The following TMEM260 variants were observed in gnomAD, a reference collection of about 807,000 sequenced individuals.
The protein encoded by TMEM260 is transmembrane protein 260, also known as protein O-mannosyl-transferase TMEM260.
Under a neutral mutation model 88.9 loss-of-function variants are expected in TMEM260, and 82 were observed. The ratio of observed to expected loss-of-function variants is 0.92; its 90% CI spans 0.77 to 1.11. TMEM260 has a LOEUF of 1.11. Ranked by LOEUF, TMEM260 falls within the 50% of genes least tolerant of loss-of-function variation. The probability of loss-of-function intolerance (pLI) is 0.00; values close to 1 mark genes in which losing one functional copy is unlikely to be tolerated. For synonymous variants in TMEM260, 314 were observed against 309.3 expected (o/e 1.02, Z -0.16); for missense variants, 902 against 853.4 (o/e 1.06, Z -0.71).
intron 6 of TMEM260, among the ~76,000 whole-genome samples, 192 bp from the exon 7 acceptor site, chr14:56,612,053 G>A (rs1237887123): frequency 6.6e-6 from 1 of 152,152 alleles, no homozygotes; most frequent in East Asian, 1.9e-4. Flanking sequence ...CCTGGGTGAT[G>A]AAATAGTCTG....
chr14:56,612,232 CTT>C lies in TMEM260; in HGVS notation c.817-10_817-9del. 6.2e-7 allele frequency: 1 copy of C among 1,612,032 alleles called. No individual in the cohort carries two copies. Among genetic ancestry groups the C allele is most frequent in the Non-Finnish European group, 8.5e-7 (1 of 1,178,216 alleles). On this transcript the variant is annotated splice_polypyrimidine_tract_variant and intron_variant, in intron 6 of 15. Transcript: ENST00000261556. ...AATGCTTGTGCAGATAAACTTTTGT[CTT>C]TTGTGTTTAGGCCAAATCTGAAATA...
At chr14:56,627,523 T>TACA (rs1332454635) in intron 12 of TMEM260, among the ~76,000 whole-genome samples, 1 of 152,186 alleles carries the variant, frequency 6.6e-6, no homozygotes, top group Non-Finnish European at 1.5e-5. Context: ...AAATTATACC[T>TACA]ACAACAACTG....
chr14:56,637,899 C>T (rs1487222118), intron 15 of TMEM260, among the ~76,000 whole-genome samples: 1 of 151,198 alleles, frequency 6.6e-6, no homozygotes, highest in African/African-American at 2.4e-5. Context: ...GATGGAAGAT[C>T]AAGTCCTCAG....
chr14:56,586,046 A>G (rs1885480400), intron 3 of TMEM260, 134 bp downstream of exon 3: 1 of 967,876 alleles, frequency 1.0e-6, no homozygotes, highest in Non-Finnish European at 1.5e-6. Context: ...TTCTTAATTT[A>G]TAATACTTTC....
chr14:56,585,600 T>C, intron 2 of TMEM260, 161 bp from the exon 3 acceptor site: 1 of 637,402 alleles, frequency 1.6e-6, no homozygotes, highest in South Asian at 2.3e-5. Context: ...TTATTTGTAT[T>C]GCCTCAAGAG....
chr14:56,635,782 T>TATAAGTTTAAAGAGGTTTTTA (rs1555340748), intron 14 of TMEM260, among the ~76,000 whole-genome samples: 1 of 152,150 alleles, frequency 6.6e-6, no homozygotes, highest in Non-Finnish European at 1.5e-5. Context: ...AAAGAGCTTA[T>TATAAGTTTAAAGAGGTTTTTA]ATAAGTTTAA....
chr14:56,638,364 T>C (rs1889287051), intron 15 of TMEM260: 1 of 152,134 alleles, frequency 6.6e-6, no homozygotes, highest in African/African-American at 2.4e-5. Flanking sequence ...AAGATCTCCT[T>C]TCACATAATA....
At chr14:56,586,093 T>G (rs1206113004) in intron 3 of TMEM260, among the ~76,000 whole-genome samples, 181 bp downstream of exon 3, 2 of 152,162 alleles carry the variant, frequency 1.3e-5, no homozygotes, top group Admixed American at 6.5e-5. Context: ...ACACAGTTGG[T>G]TTTGTTTCCT....
chr14:56,585,912 G>A lies in TMEM260; in HGVS notation c.344G>A (p.Arg115Lys), dbSNP rs747632686. The change falls in exon 3 of 16, where the codon AGG (arginine) becomes AAG (lysine). Residue 115 changes from arginine to lysine, a missense_variant and splice_region_variant. Arg to Lys is a conservative substitution (Grantham distance 26). Coordinates refer to ENST00000261556, the MANE Select transcript of TMEM260 (RefSeq NM_017799.4). ...AASLLFFTVF[R>K]LSGSSAGGIL... ...TCATTACTTTTTTTCACCGTTTTCA[G>A]GTAAAGTAGTTGATTAGTTAAAATT... 27 of 1,611,634 alleles carry A rather than the reference G, an allele frequency of 1.7e-5. No individual in the cohort carries two copies. Among genetic ancestry groups the A allele is most frequent in the Non-Finnish European group, 2.0e-5 (23 of 1,179,146 alleles).
downstream of TMEM260, among the ~76,000 whole-genome samples, chr14:56,655,078 A>AT (rs1440292830): frequency 6.6e-6 from 1 of 152,038 alleles, no homozygotes; most frequent in Non-Finnish European, 1.5e-5. Flanking sequence ...AATTTCCTTC[A>AT]TTTACTCTCA....
In TMEM260 at chr14:56,580,057, T is replaced by A. The variant is rs557898733; in HGVS notation, c.143T>A (p.Val48Glu). ...TTCACCTTCACCCTGCCCCCTTCGGTACCGGGGGGAGACTCCGGTAAAGTA... is the reference window on the plus strand; with the variant it reads ...TTCACCTTCACCCTGCCCCCTTCGGAACCGGGGGGAGACTCCGGTAAAGTA... ...AVFTFTLPPS[V>E]PGGDSGELIT... The change falls in exon 1 of 16, where the codon GTA (valine) becomes GAA (glutamate). Residue 48 changes from valine to glutamate, a missense_variant. By Grantham distance (121) the Val-to-Glu change is moderately radical. Transcript: ENST00000261556. The A allele has an allele frequency of 8.0e-7, 1 of 1,252,060 alleles. No homozygotes were observed. Among genetic ancestry groups the A allele is most frequent in the Non-Finnish European group, 1.0e-6 (1 of 990,494 alleles). The allele number at this position is 1,252,060 out of a possible 1,614,324, so 77.6% of individuals were successfully genotyped here. A position where few individuals can be genotyped will look rare whatever the true frequency, so the allele number is the denominator to read the frequency against.
intron 5 of TMEM260, among the ~76,000 whole-genome samples, chr14:56,606,659 A>G (rs762576386): frequency 5.5e-4 from 84 of 152,158 alleles, no homozygotes; most frequent in Non-Finnish European, 8.4e-4. Flanking sequence ...TGGGTGGCCA[A>G]GGCAGGCGGA....
chr14:56,609,928 T>C (rs1257671371), intron 6 of TMEM260, among the ~76,000 whole-genome samples: 6 of 152,298 alleles, frequency 3.9e-5, no homozygotes, highest in Admixed American at 3.9e-4. Context: ...TAGACAGTTA[T>C]ATCAGGTTTT....
At chr14:56,604,706 A>G (rs1389376572) in intron 4 of TMEM260, among the ~76,000 whole-genome samples, 1 of 152,220 alleles carries the variant, frequency 6.6e-6, no homozygotes, top group African/African-American at 2.4e-5. Flanking sequence ...CTTTTTAAAG[A>G]GTGAGAAGGC....
At chr14:56,633,858 G>A (rs996690786) in intron 13 of TMEM260, among the ~76,000 whole-genome samples, 2 of 152,064 alleles carry the variant, frequency 1.3e-5, no homozygotes, top group African/African-American at 4.8e-5. Context: ...TTAAAGTTAT[G>A]AATTATTTAA....
rs374187692 is a variant in TMEM260, at chr14:56,636,482, A to T, written c.1779-26A>T. 38 of 1,600,068 alleles carry T rather than the reference A, an allele frequency of 2.4e-5. No individual in the cohort carries two copies. In the African/African-American group the frequency reaches 3.8e-4, roughly 16 times the overall value. On this transcript the variant is annotated intron_variant, in intron 14 of 15. Transcript: ENST00000261556. ...ATGTGCAATTGACTGTATGATTTTA[A>T]TGAAGGTTCCTATCCCCACCCCCAG... is the stretch of plus-strand genomic sequence containing the variant.
chr14:56,652,091 A>G (rs746527232), downstream of TMEM260, among the ~76,000 whole-genome samples: 3 of 152,244 alleles, frequency 2.0e-5, no homozygotes, highest in Non-Finnish European at 2.9e-5. Context: ...GTGTGTGATT[A>G]AAACTGAAAG....
At chr14:56,624,234 G>T (rs1287703537) in intron 11 of TMEM260, among the ~76,000 whole-genome samples, 1 of 152,022 alleles carries the variant, frequency 6.6e-6, no homozygotes, top group Non-Finnish European at 1.5e-5. Flanking sequence ...ATTTTGTCTA[G>T]GTTGTCTAGT....
chr14:56,642,698 C>A (rs1178024123), intron 15 of TMEM260, among the ~76,000 whole-genome samples: 19 of 148,542 alleles, frequency 1.3e-4, no homozygotes, highest in East Asian at 2.1e-4. Context: ...AAAAACCCTT[C>A]AAAAAAATCA....
Sources: gnomAD v4.1 joint callset for allele counts (sites outside exome capture counted in the v4.1 genomes callset) on GRCh38, gnomAD v4.1.1 for gene constraint, MANE v1.5 for transcripts, NCBI Gene and HGNC (gene_info 2026-07-23, HGNC 2026-07-21) for gene names.